The following SLC24A2 variants were observed in gnomAD, a reference collection of about 807,000 sequenced individuals.
SLC24A2 encodes sodium/potassium/calcium exchanger 2.
SLC24A2 carries 36 observed loss-of-function variants against 62.0 expected under a neutral mutation model. The observed-to-expected ratio is 0.58, with a 90% CI of 0.44 to 0.77. The LOEUF (loss-of-function observed/expected upper bound fraction) is 0.77. Ranked by LOEUF, SLC24A2 falls within the 30% of genes least tolerant of loss-of-function variation. SLC24A2 has a pLI of 0.00. For synonymous variants in SLC24A2, 358 were observed against 294.0 expected (o/e 1.22, Z -2.23); for missense variants, 846 against 817.9 (o/e 1.03, Z -0.42).
the SLC24A2 span, among the ~76,000 whole-genome samples, chr9:20,250,140 C>T: frequency 6.6e-6 from 1 of 152,156 alleles, no homozygotes. Context: ...ATACTTAATT[C>T]CCATAGCAGC....
intron 7 of SLC24A2, among the ~76,000 whole-genome samples, chr9:19,571,472 A>G (rs1481945425): frequency 6.6e-6 from 1 of 152,004 alleles, no homozygotes; most frequent in Non-Finnish European, 1.5e-5. Context: ...CAGGCACTGT[A>G]TCACTTTTCA....
the SLC24A2 span, among the ~76,000 whole-genome samples, chr9:20,290,487 A>C: frequency 2.6e-5 from 4 of 152,228 alleles, no homozygotes; most frequent in Non-Finnish European, 5.9e-5. Flanking sequence ...TGATATCCAC[A>C]TGCCTTTGGC....
the SLC24A2 span, among the ~76,000 whole-genome samples, chr9:20,227,251 C>G: frequency 6.6e-6 from 1 of 152,032 alleles, no homozygotes; most frequent in Non-Finnish European, 1.5e-5. Flanking sequence ...AATATTTTAA[C>G]TATGGTTTGC....
At chr9:19,517,313 T>A (rs532387152) in intron 10 of SLC24A2, among the ~76,000 whole-genome samples, 1 of 152,194 alleles carries the variant, frequency 6.6e-6, no homozygotes, top group Non-Finnish European at 1.5e-5. Flanking sequence ...GCTAAGGAGA[T>A]ACCTGCTTGG....
the SLC24A2 span, among the ~76,000 whole-genome samples, chr9:20,007,254 AT>A: frequency 6.6e-6 from 1 of 152,146 alleles, no homozygotes; most frequent in African/African-American, 2.4e-5. Flanking sequence ...TTGAAAAGAG[AT>A]GTAATAGGTT....
At chr9:19,710,368 G>C (rs1045444282) in intron 2 of SLC24A2, among the ~76,000 whole-genome samples, 2 of 152,076 alleles carry the variant, frequency 1.3e-5, no homozygotes, top group African/African-American at 4.8e-5. Flanking sequence ...GAGAGGGCCC[G>C]GTATCACAGG....
At chr9:19,547,432 T>C (rs1423091561) in intron 8 of SLC24A2, among the ~76,000 whole-genome samples, 1 of 152,208 alleles carries the variant, frequency 6.6e-6, no homozygotes, top group Non-Finnish European at 1.5e-5. Context: ...GCAGTTGTCA[T>C]GACCCACGTA....
chr9:20,231,824 G>C, the SLC24A2 span, among the ~76,000 whole-genome samples: 2 of 152,156 alleles, frequency 1.3e-5, no homozygotes, highest in African/African-American at 2.4e-5. Flanking sequence ...GTTTTCATAG[G>C]TAATGCTTCC....
the SLC24A2 span, among the ~76,000 whole-genome samples, chr9:19,885,758 C>T: frequency 1.3e-4 from 20 of 152,180 alleles, no homozygotes; most frequent in Non-Finnish European, 2.8e-4. Flanking sequence ...CCACCCTGTA[C>T]TCTCAATTAG....
At chr9:19,645,771 G>A (rs1818623229) in intron 2 of SLC24A2, among the ~76,000 whole-genome samples, 1 of 152,178 alleles carries the variant, frequency 6.6e-6, no homozygotes, top group African/African-American at 2.4e-5. Flanking sequence ...TTGCACTGAT[G>A]TTTGACTATG....
chr9:20,178,682 C>T, the SLC24A2 span, among the ~76,000 whole-genome samples: 17,157 of 152,102 alleles, frequency 0.11, 1,584 homozygotes, highest in East Asian at 0.46. Context: ...ACAGAGCTCA[C>T]CTAGCCTGGC....
At chr9:20,141,963 A>T in the SLC24A2 span, among the ~76,000 whole-genome samples, 1 of 152,062 alleles carries the variant, frequency 6.6e-6, no homozygotes, top group East Asian at 1.9e-4. Context: ...GGTGCGTATA[A>T]TCCCAGCTAA....
chr9:19,992,947 A>G, the SLC24A2 span, among the ~76,000 whole-genome samples: 1 of 152,228 alleles, frequency 6.6e-6, no homozygotes, highest in African/African-American at 2.4e-5. Context: ...CAAAACATCT[A>G]GTGCCACCAT....
At chr9:19,533,521 G>A (rs1185132990) in intron 8 of SLC24A2, among the ~76,000 whole-genome samples, 2 of 152,170 alleles carry the variant, frequency 1.3e-5, no homozygotes, top group African/African-American at 4.8e-5. Context: ...ATCTCAAGAG[G>A]GCTTTGTAGC....
At chr9:19,779,386 G>C (rs912217316) in intron 2 of SLC24A2, among the ~76,000 whole-genome samples, 19 of 152,186 alleles carry the variant, frequency 1.2e-4, no homozygotes, top group African/African-American at 4.3e-4. Context: ...TCTTATAAAG[G>C]AGCAATGTTT....
chr9:19,770,750 GA>G (rs1166010186), intron 2 of SLC24A2, among the ~76,000 whole-genome samples: 1 of 152,190 alleles, frequency 6.6e-6, no homozygotes, highest in African/African-American at 2.4e-5. Context: ...ACCATTCAGT[GA>G]GTCAGTAAGA....
At chr9:19,820,032 T>C in the SLC24A2 span, among the ~76,000 whole-genome samples, 1 of 44,922 alleles carries the variant, frequency 2.2e-5, no homozygotes, top group Non-Finnish European at 7.3e-5. Flanking sequence ...TATACACATA[T>C]ATATATATAC....
At chr9:20,136,538 C>A in the SLC24A2 span, among the ~76,000 whole-genome samples, 1 of 152,118 alleles carries the variant, frequency 6.6e-6, no homozygotes, top group Non-Finnish European at 1.5e-5. Context: ...ATTTTTCTCA[C>A]AAGAAAGGAA....
intron 2 of SLC24A2, among the ~76,000 whole-genome samples, chr9:19,702,155 GT>G (rs1213764625): frequency 6.6e-6 from 1 of 152,174 alleles, no homozygotes; most frequent in African/African-American, 2.4e-5. Flanking sequence ...CTTGCTTTGA[GT>G]TCTAATACAA....
Sources: gnomAD v4.1 joint callset for allele counts (sites outside exome capture counted in the v4.1 genomes callset) on GRCh38, gnomAD v4.1.1 for gene constraint, MANE v1.5 for transcripts, NCBI Gene and HGNC (gene_info 2026-07-23, HGNC 2026-07-21) for gene names.